CTBP2: variants seen among roughly 807,000 people sequenced by gnomAD.
CTBP2 encodes C-terminal-binding protein 2.
CTBP2 carries 30 observed loss-of-function variants against 80.3 expected under a neutral mutation model. The observed-to-expected ratio is 0.37, with a 90% CI of 0.28 to 0.51. CTBP2 has a LOEUF of 0.51. CTBP2 is among the 20% of genes least tolerant of loss of function. The pLI is 0.93. For missense variants in CTBP2, 1,212 were observed against 1,375.3 expected (o/e 0.88, Z 1.88); for synonymous variants, 594 against 587.4 (o/e 1.01, Z -0.16).
intron 1 of CTBP2, among the ~76,000 whole-genome samples, chr10:125,159,383 G>A (rs1861536093): frequency 6.9e-6 from 1 of 145,876 alleles, no homozygotes; most frequent in African/African-American, 2.5e-5. Context: ...CGGGAGCGCG[G>A]CCGGGCAGAG....
intron 2 of CTBP2, among the ~76,000 whole-genome samples, chr10:125,068,166 C>T (rs1369719958): frequency 6.6e-6 from 1 of 152,206 alleles, no homozygotes; most frequent in Non-Finnish European, 1.5e-5. Flanking sequence ...TTTTGGGAAG[C>T]TTCACAGCTG....
intron 3 of CTBP2, 58 bp downstream of exon 5, chr10:125,002,902 G>C: frequency 3.1e-6 from 5 of 1,593,660 alleles, no homozygotes; most frequent in Non-Finnish European, 4.3e-6. Context: ...AAGCCCACCC[G>C]AGCAGGGCCC....
intron 2 of CTBP2, among the ~76,000 whole-genome samples, chr10:125,084,336 C>A (rs922236837): frequency 6.6e-6 from 1 of 152,152 alleles, no homozygotes; most frequent in African/African-American, 2.4e-5. Flanking sequence ...GCACGGAGAA[C>A]GGTCCAGTCA....
At chr10:125,007,569 AT>A (rs1260733816) in intron 1 of CTBP2, among the ~76,000 whole-genome samples, 5 of 152,188 alleles carry the variant, frequency 3.3e-5, no homozygotes, top group Non-Finnish European at 5.9e-5. Flanking sequence ...AAAACGCTAC[AT>A]TTCATTGTGG....
chr10:124,995,912 C>T (rs1477935865), intron 4 of CTBP2, among the ~76,000 whole-genome samples: 1 of 152,160 alleles, frequency 6.6e-6, no homozygotes, highest in African/African-American at 2.4e-5. Context: ...GCCTCCATCC[C>T]CCTCATGGCG....
chr10:125,005,573 G>C, intron 1 of CTBP2: 2 of 1,612,042 alleles, frequency 1.2e-6, no homozygotes, highest in Non-Finnish European at 1.7e-6. Context: ...TGAGTGGACA[G>C]GAAGCGTGCA....
chr10:125,098,636 A>G (rs1276312871), intron 2 of CTBP2, among the ~76,000 whole-genome samples: 1 of 108,796 alleles, frequency 9.2e-6, no homozygotes, highest in Non-Finnish European at 1.9e-5. Context: ...GCGGGTGAAC[A>G]GAGAGAGAAA....
In CTBP2 at chr10:124,986,489, C is replaced by T. The variant is rs1483675101; in HGVS notation, c.*3029G>A. 1 of 152,032 alleles carries T rather than the reference C, an allele frequency of 6.6e-6. No individual in the cohort carries two copies. The highest frequency in any genetic ancestry group is 1.5e-5 in the Non-Finnish European group (1 of 68,006). The allele number at this position is 152,032 out of a possible 1,614,324, so 9.4% of individuals were successfully genotyped here. On this transcript the variant is annotated 3_prime_UTR_variant, in exon 9 of 9. Transcript: ENST00000309035. ...ACTGTCATGTCTTTAGTTCTTTCCC[C>T]CCGAAAACTCAGTAAAAAGGTGTTC...
At chr10:125,037,523 T>C (rs553597210) in intron 3 of CTBP2, among the ~76,000 whole-genome samples, 14 of 152,360 alleles carry the variant, frequency 9.2e-5, no homozygotes, top group East Asian at 3.9e-4. Flanking sequence ...TACTGTGGAA[T>C]AGTCTACAAA....
chr10:125,139,817 G>A (rs759520935), intron 1 of CTBP2, among the ~76,000 whole-genome samples: 4 of 152,186 alleles, frequency 2.6e-5, no homozygotes, highest in Non-Finnish European at 4.4e-5. Context: ...GCCTAGAACT[G>A]CGACCCTACT....
intron 1 of CTBP2, among the ~76,000 whole-genome samples, chr10:125,149,740 G>A (rs1859480375): frequency 6.6e-6 from 1 of 152,220 alleles, no homozygotes; most frequent in African/African-American, 2.4e-5. Flanking sequence ...TTCACCTTGT[G>A]GGGACCTTAC....
At chr10:125,039,807 C>T (rs1959198590) in intron 2 of CTBP2, among the ~76,000 whole-genome samples, 1 of 152,200 alleles carries the variant, frequency 6.6e-6, no homozygotes, top group South Asian at 2.1e-4. Flanking sequence ...AGGGCAGGGT[C>T]CCAGGCTGCT....
At chr10:125,107,777 C>G (rs1272226739) in intron 2 of CTBP2, among the ~76,000 whole-genome samples, 1 of 152,186 alleles carries the variant, frequency 6.6e-6, no homozygotes, top group East Asian at 1.9e-4. Context: ...TCTACATCAT[C>G]CTGGAGATCT....
In CTBP2 at chr10:124,993,931, T is replaced by C; in HGVS notation, c.2455A>G (p.Lys819Glu). The C allele has an allele frequency of 6.2e-7, 1 of 1,614,188 alleles. No homozygotes were observed. The change falls in exon 6 of 9, where the codon AAA becomes GAA. Residue 819 changes from lysine to glutamate, a missense_variant. By Grantham distance (56) the Lys-to-Glu change is moderately conservative. Coordinates refer to ENST00000309035, the MANE Select transcript of CTBP2 (RefSeq NM_022802.3). ...TCCTTGAGGGCTTGTGCTAAGGCTT[T>C]CTCGTCCACCAGGCCGCCACGGGCT...
Position 125,027,995 on chromosome 10 carries a change from G to A in CTBP2, c.-236C>T. On this transcript the variant is annotated 5_prime_UTR_variant, in exon 1 of 9. Coordinates refer to ENST00000309035, the MANE Select transcript of CTBP2 (RefSeq NM_022802.3). ...TCACTCCCCAACGATAGCCAGAGAG[G>A]TCTGTTCCTTACAGCTCAGTCCCGG... is the stretch of plus-strand genomic sequence containing the variant. 1 of 1,237,130 alleles carries A rather than the reference G, an allele frequency of 8.1e-7. No individual in the cohort carries two copies. Among genetic ancestry groups the A allele is most frequent in the Non-Finnish European group, 1.1e-6 (1 of 949,778 alleles). The allele number at this position is 1,237,130 out of a possible 1,614,324, so 76.6% of individuals were successfully genotyped here.
chr10:125,096,030 G>A (rs1035392981), intron 2 of CTBP2, among the ~76,000 whole-genome samples: 2 of 152,152 alleles, frequency 1.3e-5, no homozygotes, highest in African/African-American at 4.8e-5. Flanking sequence ...CAGGAAGGGA[G>A]CGCAGGGAGT....
chr10:125,131,517 G>A (rs1039048014), intron 1 of CTBP2, among the ~76,000 whole-genome samples: 1 of 152,184 alleles, frequency 6.6e-6, no homozygotes, highest in Non-Finnish European at 1.5e-5. Flanking sequence ...TGGTGAATGG[G>A]AGACGGCGCT....
chr10:125,108,202 C>T (rs1454856698), intron 2 of CTBP2, among the ~76,000 whole-genome samples: 2 of 152,298 alleles, frequency 1.3e-5, no homozygotes, highest in South Asian at 2.1e-4. Flanking sequence ...ACTGAGAGAA[C>T]GAGCCTCTTG....
At chr10:125,030,410 A>G (rs1564751810), upstream of CTBP2, among the ~76,000 whole-genome samples, 1 of 152,236 alleles carries the variant, frequency 6.6e-6, no homozygotes, top group Non-Finnish European at 1.5e-5. Flanking sequence ...CAAGGTGTCA[A>G]TTAACAACAG....
Sources: gnomAD v4.1 joint callset for allele counts (sites outside exome capture counted in the v4.1 genomes callset) on GRCh38, gnomAD v4.1.1 for gene constraint, MANE v1.5 for transcripts, NCBI Gene and HGNC (gene_info 2026-07-23, HGNC 2026-07-21) for gene names.